The following ADCY10 variants were observed in gnomAD, a reference collection of about 807,000 sequenced individuals.
ADCY10 encodes the protein adenylate cyclase type 10.
A neutral mutation model predicts 183.3 loss-of-function variants in ADCY10; 156 were observed. The observed-to-expected ratio is 0.85, with a 90% CI of 0.75 to 0.97. The LOEUF is 0.97. Among genes scored for constraint, ADCY10 ranks in the 50% least tolerant of loss-of-function variants. The pLI is 0.00. For missense variants in ADCY10, 1,745 were observed against 1,934.3 expected (o/e 0.90, Z 1.84); for synonymous variants, 645 against 670.0 (o/e 0.96, Z 0.58).
At chr1:167,864,003 T>A (rs1055319722) in intron 14 of ADCY10, among the ~76,000 whole-genome samples, 14 of 152,190 alleles carry the variant, frequency 9.2e-5, no homozygotes, top group Admixed American at 4.6e-4. Flanking sequence ...TCCATTTGAG[T>A]GGAAGCATGG....
At chr1:167,909,428 A>G (rs867609077) in intron 1 of ADCY10, among the ~76,000 whole-genome samples, 1 of 152,204 alleles carries the variant, frequency 6.6e-6, no homozygotes. Flanking sequence ...TAGGGTATAC[A>G]CATGTTAAAC....
At chr1:167,815,160 A>C (rs6686252) in intron 31 of ADCY10, among the ~76,000 whole-genome samples, 73,334 of 151,642 alleles carry the variant, frequency 0.48, 19,129 homozygotes, top group African/African-American at 0.69. Flanking sequence ...ACAAAAAAAA[A>C]CCCCAAACAC....
intron 17 of ADCY10, among the ~76,000 whole-genome samples, chr1:167,855,958 G>T (rs1309284667): frequency 2.0e-5 from 3 of 152,126 alleles, no homozygotes; most frequent in African/African-American, 7.2e-5. Context: ...AGCCATGATG[G>T]CACCACTACA....
At chr1:167,896,445 A>T (rs1324890750) in intron 7 of ADCY10, 150 bp downstream of exon 7, 21 of 738,178 alleles carry the variant, frequency 2.8e-5, no homozygotes, top group Non-Finnish European at 4.5e-5. Context: ...GCTGTCCCGG[A>T]GAATGGGAAG....
At chr1:167,832,663 G>A (rs916980298) in intron 25 of ADCY10, among the ~76,000 whole-genome samples, 61 of 152,258 alleles carry the variant, frequency 4.0e-4, no homozygotes, top group African/African-American at 1.4e-3. Flanking sequence ...AGTGGTGCAG[G>A]TTCCATCCAA....
intron 17 of ADCY10, among the ~76,000 whole-genome samples, chr1:167,855,930 G>A (rs1430885136): frequency 6.6e-6 from 1 of 152,144 alleles, no homozygotes; most frequent in Non-Finnish European, 1.5e-5. Context: ...TTGAGCCCAG[G>A]AGGTCAAGGC....
At chr1:167,887,061 G>T (rs2102302911) in intron 8 of ADCY10, among the ~76,000 whole-genome samples, 1 of 152,288 alleles carries the variant, frequency 6.6e-6, no homozygotes, top group Non-Finnish European at 1.5e-5. Context: ...TGCTGGAGAG[G>T]ATGTGGAGAA....
chr1:167,879,268 G>A (rs975241563), intron 11 of ADCY10, among the ~76,000 whole-genome samples: 5 of 152,168 alleles, frequency 3.3e-5, no homozygotes, highest in Non-Finnish European at 7.3e-5. Context: ...GTAACTCTCT[G>A]AGAGGGTGGT....
intron 1 of ADCY10, 120 bp from the exon 2 acceptor site, chr1:167,905,318 G>A (rs1009602364): frequency 3.9e-6 from 3 of 775,166 alleles, no homozygotes; most frequent in Non-Finnish European, 6.4e-6. Flanking sequence ...AAATGCCAGA[G>A]TTGTTGAGCC....
At chr1:167,868,411 G>A (rs973726867) in intron 14 of ADCY10, among the ~76,000 whole-genome samples, 2 of 152,150 alleles carry the variant, frequency 1.3e-5, no homozygotes, top group Admixed American at 6.5e-5. Context: ...TCATCCTGTA[G>A]GATGACTTAG....
rs993810029 is a variant in ADCY10, at chr1:167,880,706, C to T, written c.1021-97G>A. ...ACAGAGAGCCGGCGGCAATTTTTGG[C>T]TTCTGAATCAGATTTTATCATGATT... On this transcript the variant is annotated intron_variant, in intron 9 of 32. Coordinates refer to ENST00000367851, the MANE Select transcript of ADCY10 (RefSeq NM_018417.6). 4.7e-6 allele frequency: 4 copies of T among 853,210 alleles called. No homozygotes were observed. The East Asian group carries it at 9.6e-5, about 21-fold the overall frequency. The allele number at this position is 853,210 out of a possible 1,614,324, so 52.9% of individuals were successfully genotyped here. A position where few individuals can be genotyped will look rare whatever the true frequency, so the allele number is the denominator to read the frequency against.
intron 7 of ADCY10, among the ~76,000 whole-genome samples, chr1:167,895,210 C>T (rs998690200): frequency 2.0e-5 from 3 of 150,864 alleles, no homozygotes; most frequent in Non-Finnish European, 4.4e-5. Flanking sequence ...AATTGCATTG[C>T]AGTATTATGG....
chr1:167,895,500 T>A (rs1041552936), intron 7 of ADCY10, among the ~76,000 whole-genome samples: 1 of 152,222 alleles, frequency 6.6e-6, no homozygotes, highest in Non-Finnish European at 1.5e-5. Context: ...TTCAAAGATG[T>A]TTCTGATGTT....
chr1:167,848,599 T>C, intron 18 of ADCY10, 110 bp from the exon 19 acceptor site: 1 of 1,215,714 alleles, frequency 8.2e-7, no homozygotes, highest in Admixed American at 1.8e-5. Context: ...TGGGCAGAGA[T>C]GTATATTGGC....
In ADCY10 at chr1:167,841,281, G is replaced by A. The variant is rs928057007; in HGVS notation, c.3008-3963C>T. On this transcript the variant is annotated intron_variant, in intron 21 of 32. Transcript: ENST00000367851. ...TAAAAGTATAAATTCAACATGTATA[G>A]AATGGAAGGGCCACGCTCCTGTCTT... Among the ~76,000 whole-genome samples, 12 of 151,992 alleles carry A rather than the reference G, an allele frequency of 7.9e-5. No homozygotes were observed. In the East Asian group the frequency reaches 9.6e-4, roughly 12 times the overall value.
chr1:167,829,015 T>C (rs1400312380), intron 26 of ADCY10, among the ~76,000 whole-genome samples: 2 of 152,210 alleles, frequency 1.3e-5, no homozygotes, highest in Admixed American at 1.3e-4. Flanking sequence ...TCTCGACTTT[T>C]GTTTCTTATA....
intron 7 of ADCY10, among the ~76,000 whole-genome samples, chr1:167,894,893 T>C (rs1403997267): frequency 6.6e-6 from 1 of 152,098 alleles, no homozygotes; most frequent in Non-Finnish European, 1.5e-5. Context: ...AACATCAGAA[T>C]TGCACTGCAG....
In ADCY10 at chr1:167,809,488, G is replaced by A. The variant is rs1662064430; in HGVS notation, c.*190C>T. On this transcript the variant is annotated 3_prime_UTR_variant, in exon 33 of 33. Transcript: ENST00000367851. ...GTAAAAGCAATTTTTTGTAACATTA[G>A]GAAGAAGTAAACCATGACACTCCTG... 1.6e-6 allele frequency: 1 copy of A among 641,056 alleles called. No homozygotes were observed. 39.7% of individuals were successfully genotyped at this position (641,056 alleles called of 1,614,324 possible).
intron 21 of ADCY10, among the ~76,000 whole-genome samples, chr1:167,844,385 C>G (rs1429077525): frequency 1.3e-5 from 2 of 152,202 alleles, no homozygotes; most frequent in Non-Finnish European, 1.5e-5. Flanking sequence ...ACATGCTCGT[C>G]CCACTGTGCA....
Sources: allele counts gnomAD v4.1 joint callset (sites outside exome capture counted in the v4.1 genomes callset), GRCh38; gene constraint gnomAD v4.1.1; transcripts MANE v1.5; gene names NCBI Gene and HGNC (gene_info 2026-07-23, HGNC 2026-07-21).